Variants in GNG7 observed in about 807,000 individuals in gnomAD.
GNG7 encodes G protein subunit gamma 7, also known as guanine nucleotide-binding protein G(I)/G(S)/G(O) subunit gamma-7.
A neutral mutation model predicts 4.0 loss-of-function variants in GNG7; 1 was observed. The observed-to-expected ratio is 0.25, with a 90% CI of 0.09 to 1.18. The LOEUF is 1.18. Among genes scored for constraint, GNG7 ranks in the 50% most tolerant of loss-of-function variants. GNG7 has a pLI of 0.50. For missense variants in GNG7, 86 were observed against 91.9 expected, an observed-to-expected ratio of 0.94 and a Z score of 0.26; for synonymous variants, 34 against 36.9, an observed-to-expected ratio of 0.92 and a Z score of 0.29.
At position 2,618,624 on chromosome 19, in the gene GNG7, C is replaced by T. The variant is rs987787435; in HGVS notation, c.-78+27600G>A. On this transcript the variant is annotated intron_variant, in intron 2 of 4. Coordinates refer to ENST00000382159, the MANE Select transcript of GNG7 (RefSeq NM_052847.3). The surrounding 1 kb of genome is among the most constrained non-coding windows in gnomAD (Gnocchi z 5.1). ...TCGGCCTCCCAAAGTGCTGGGATTA[C>T]AGACGTGAGCCACCGTGCCCAGCCT... 6.6e-6 allele frequency among the ~76,000 whole-genome samples: 1 copy of T among 151,996 alleles called. No homozygotes were observed. The highest frequency in any genetic ancestry group is 1.5e-5 in the Non-Finnish European group (1 of 67,980).
At chr19:2,566,798 C>T (rs376421149) in intron 2 of GNG7, among the ~76,000 whole-genome samples, 1 of 152,034 alleles carries the variant, frequency 6.6e-6, no homozygotes, top group African/African-American at 2.4e-5. Flanking sequence ...GCCAATAAAA[C>T]TTTATTTACA....
chr19:2,698,482 T>C (rs1375958781), intron 1 of GNG7, among the ~76,000 whole-genome samples: 3 of 151,796 alleles, frequency 2.0e-5, no homozygotes, highest in African/African-American at 7.3e-5. Flanking sequence ...AAGAATTGCT[T>C]GAGCCCTGGA....
At chr19:2,565,512 A>G (rs1428863496) in intron 2 of GNG7, among the ~76,000 whole-genome samples, 1 of 81,978 alleles carries the variant, frequency 1.2e-5, no homozygotes, top group Non-Finnish European at 2.2e-5. Context: ...ACTCTGTCTC[A>G]AAAAAAAAAA....
At chr19:2,664,808 G>A (rs2144882702) in intron 1 of GNG7, among the ~76,000 whole-genome samples, 1 of 152,268 alleles carries the variant, frequency 6.6e-6, no homozygotes, top group African/African-American at 2.4e-5. Context: ...TCTCTAGGGT[G>A]CAGCTGTCCC....
intron 1 of GNG7, among the ~76,000 whole-genome samples, chr19:2,661,835 T>A (rs1983188824): frequency 6.6e-6 from 1 of 152,108 alleles, no homozygotes; most frequent in Admixed American, 6.5e-5. Flanking sequence ...CCAGCTCCAA[T>A]CGAGCCTTCA....
intron 1 of GNG7, among the ~76,000 whole-genome samples, chr19:2,661,345 AAAG>A (rs1983170985): frequency 6.6e-6 from 1 of 150,590 alleles, no homozygotes; most frequent in Non-Finnish European, 1.5e-5. Flanking sequence ...AGAAAGAAAG[AAAG>A]AAAGAAAGAA....
intron 2 of GNG7, among the ~76,000 whole-genome samples, chr19:2,558,835 G>T (rs1979647855): frequency 6.9e-6 from 1 of 145,378 alleles, no homozygotes. Flanking sequence ...GTGTCATTTT[G>T]TCACCCAGGA....
intron 2 of GNG7, among the ~76,000 whole-genome samples, chr19:2,628,223 C>G (rs776898294): frequency 6.6e-6 from 1 of 152,198 alleles, no homozygotes; most frequent in Non-Finnish European, 1.5e-5. Context: ...GTCCCCCGCT[C>G]AGAGTCTTAT....
chr19:2,610,062 A>G (rs1366691541), intron 2 of GNG7: 1 of 152,144 alleles, frequency 6.6e-6, no homozygotes, highest in Non-Finnish European at 1.5e-5. Context: ...CAAGATGATG[A>G]CAGCACGGGG....
At chr19:2,523,671 A>G (rs1169448222) in intron 3 of GNG7, among the ~76,000 whole-genome samples, 2 of 152,072 alleles carry the variant, frequency 1.3e-5, no homozygotes, top group African/African-American at 4.8e-5. Context: ...GTGGAACCTG[A>G]GTGAGGCTGG....
intron 4 of GNG7, among the ~76,000 whole-genome samples, chr19:2,518,323 C>G (rs138319284): frequency 1.3e-5 from 2 of 152,168 alleles, no homozygotes; most frequent in African/African-American, 4.8e-5. Context: ...CACCGCCCTC[C>G]GCCCGGGCTG....
chr19:2,700,162 G>A (rs1384323154), intron 1 of GNG7, among the ~76,000 whole-genome samples: 3 of 147,494 alleles, frequency 2.0e-5, no homozygotes, highest in Non-Finnish European at 4.5e-5. Flanking sequence ...ATTTTTTTGA[G>A]GCAGAGTCTC....
At chr19:2,582,406 A>C (rs937619448) in intron 2 of GNG7, among the ~76,000 whole-genome samples, 1 of 152,212 alleles carries the variant, frequency 6.6e-6, no homozygotes, top group African/African-American at 2.4e-5. Flanking sequence ...ATAAATGTTC[A>C]TTATGAAAAC....
intron 1 of GNG7, among the ~76,000 whole-genome samples, chr19:2,656,994 A>C (rs1459947927): frequency 6.6e-6 from 1 of 151,968 alleles, no homozygotes; most frequent in East Asian, 1.9e-4. Context: ...AGGCCTTAAA[A>C]CATGAAACAG....
chr19:2,540,122 C>T (rs1978910950), intron 3 of GNG7, among the ~76,000 whole-genome samples: 1 of 130,020 alleles, frequency 7.7e-6, no homozygotes, highest in African/African-American at 2.9e-5. Context: ...TTTCTTTTCT[C>T]CTTCCTTCCT....
intron 1 of GNG7, among the ~76,000 whole-genome samples, chr19:2,671,646 C>T (rs1052375691): frequency 6.6e-6 from 1 of 152,078 alleles, no homozygotes; most frequent in Non-Finnish European, 1.5e-5. Flanking sequence ...AACACCTGGC[C>T]CATTCAAAGG....
In GNG7 at chr19:2,605,049, G is replaced by A. The variant is rs545710357; in HGVS notation, c.-78+41175C>T. Among the ~76,000 whole-genome samples the A allele has an allele frequency of 7.2e-5, 11 of 152,318 alleles. No individual in the cohort carries two copies. The South Asian group carries it at 8.3e-4, about 11-fold the overall frequency. ...CAGAAATCTAGATGTGGGCAAGGCC[G>A]TGCTCCCTCTGGAGGCTCCAGGGGA... On this transcript the variant is annotated intron_variant, in intron 2 of 4. Transcript: ENST00000382159.
intron 3 of GNG7, among the ~76,000 whole-genome samples, chr19:2,540,731 C>T (rs1218686010): frequency 6.6e-6 from 1 of 152,220 alleles, no homozygotes; most frequent in Admixed American, 6.5e-5. Flanking sequence ...GACTGGCTTC[C>T]CTCCTCCCGG....
rs775024966 is a variant in GNG7, at chr19:2,557,041, GCACA to G, written c.-77-1857_-77-1854del. ...CACACACACGCACACACAGACACAC[GCACA>G]CTCACACACATATGCACGCACACAG... On this transcript the variant is annotated intron_variant, in intron 2 of 4. Transcript: ENST00000382159. The surrounding 1 kb of genome is among the most constrained non-coding windows in gnomAD (Gnocchi z 5.1). 5.4e-5 allele frequency among the ~76,000 whole-genome samples: 8 copies of G among 147,446 alleles called. No homozygotes were observed. Among genetic ancestry groups the G allele is most frequent in the Non-Finnish European group, 1.2e-4 (8 of 66,538 alleles).
Sources: gnomAD v4.1 joint callset for allele counts (sites outside exome capture counted in the v4.1 genomes callset) on GRCh38, gnomAD v4.1.1 for gene constraint, Gnocchi (gnomAD v3.1) non-coding constraint, MANE v1.5 for transcripts, NCBI Gene and HGNC (gene_info 2026-07-23, HGNC 2026-07-21) for gene names.